SND1: variants seen among roughly 807,000 people sequenced by gnomAD.
The protein encoded by SND1 is staphylococcal nuclease domain-containing protein 1.
In SND1, 38 loss-of-function variants were observed where a neutral mutation model predicts 121.7. The observed-to-expected ratio is 0.31, with a 90% CI of 0.24 to 0.41. SND1 has a LOEUF of 0.41. Ranked by LOEUF, SND1 falls within the 10% of genes least tolerant of loss-of-function variation. The pLI is 1.00. For missense variants in SND1, 868 were observed against 1,184.6 expected, an observed-to-expected ratio of 0.73 and a Z score of 3.92; for synonymous variants, 401 against 447.4, an observed-to-expected ratio of 0.90 and a Z score of 1.31.
chr7:127,905,843 C>T (rs551840194), intron 14 of SND1, among the ~76,000 whole-genome samples: 2 of 152,304 alleles, frequency 1.3e-5, no homozygotes, highest in South Asian at 2.1e-4. Context: ...TTAGCTTAGG[C>T]ACTCAGGGAA....
rs1419363200 is a variant in SND1, at chr7:127,921,650, T to A, written c.1528-7538T>A. Reference sequence around the variant, plus strand: ...TCTGTGAGTTTTGGCAAATGTGCATTTTGAGAAACGTATATTTATGAAATC... The same window carrying A: ...TCTGTGAGTTTTGGCAAATGTGCATATTGAGAAACGTATATTTATGAAATC... On this transcript the variant is annotated intron_variant, in intron 14 of 23. Coordinates refer to ENST00000354725, the MANE Select transcript of SND1 (RefSeq NM_014390.4). Among the ~76,000 whole-genome samples the A allele has an allele frequency of 2.0e-5, 3 of 152,346 alleles. No individual in the cohort carries two copies. In the East Asian group the frequency reaches 5.8e-4, roughly 29 times the overall value.
chr7:127,685,248 C>T (rs890347822), intron 1 of SND1, among the ~76,000 whole-genome samples: 2 of 152,148 alleles, frequency 1.3e-5, no homozygotes, highest in East Asian at 3.9e-4. Flanking sequence ...GAGAGCAATG[C>T]ACTCTAAGTG....
At chr7:127,874,438 A>C (rs1450383732) in intron 12 of SND1, among the ~76,000 whole-genome samples, 1 of 152,160 alleles carries the variant, frequency 6.6e-6, no homozygotes, top group Non-Finnish European at 1.5e-5. Context: ...TACTGACTTG[A>C]GTCCAGAGTC....
intron 12 of SND1, among the ~76,000 whole-genome samples, chr7:127,867,119 A>G (rs1460685000): frequency 6.6e-6 from 1 of 152,198 alleles, no homozygotes; most frequent in African/African-American, 2.4e-5. Flanking sequence ...AGAATAATTA[A>G]AAGACATTTT....
At chr7:128,051,270 G>A (rs1562883002) in intron 16 of SND1, among the ~76,000 whole-genome samples, 1 of 152,188 alleles carries the variant, frequency 6.6e-6, no homozygotes, top group Admixed American at 6.5e-5. Flanking sequence ...AGACATTTGA[G>A]ATGAACAAGA....
chr7:127,996,738 T>G (rs1802668827), intron 16 of SND1, among the ~76,000 whole-genome samples: 1 of 152,214 alleles, frequency 6.6e-6, no homozygotes, highest in Non-Finnish European at 1.5e-5. Context: ...ATGTTTCATT[T>G]ATTTTCACAA....
intron 1 of SND1, among the ~76,000 whole-genome samples, chr7:127,678,659 A>G (rs1795656459): frequency 6.6e-6 from 1 of 152,248 alleles, no homozygotes. Flanking sequence ...CTCCCAGACC[A>G]CACAGCTTAT....
intron 18 of SND1, 93 bp from the exon 19 acceptor site, chr7:128,084,631 T>C (rs1793658355): frequency 3.6e-6 from 5 of 1,391,526 alleles, no homozygotes; most frequent in Admixed American, 2.5e-5. Context: ...GAATTTTACA[T>C]TGAGCTCCCT....
intron 10 of SND1, among the ~76,000 whole-genome samples, chr7:127,731,987 G>GTC (rs1440635097): frequency 6.6e-6 from 1 of 152,184 alleles, no homozygotes; most frequent in South Asian, 2.1e-4. Context: ...GGTGTTGAAT[G>GTC]TCTCTCTCTT....
intron 9 of SND1, among the ~76,000 whole-genome samples, chr7:127,719,186 T>C (rs1339388517): frequency 6.6e-6 from 1 of 152,204 alleles, no homozygotes; most frequent in African/African-American, 2.4e-5. Flanking sequence ...CATCCAAATG[T>C]GGGATTTTGA....
intron 10 of SND1, among the ~76,000 whole-genome samples, chr7:127,767,717 A>G (rs1797446492): frequency 6.6e-6 from 1 of 152,246 alleles, no homozygotes; most frequent in Admixed American, 6.5e-5. Context: ...TAGCAGTGTC[A>G]TATAAGGTTG....
At chr7:127,762,006 A>T (rs1394419806) in intron 10 of SND1, among the ~76,000 whole-genome samples, 4 of 152,174 alleles carry the variant, frequency 2.6e-5, no homozygotes, top group African/African-American at 9.7e-5. Flanking sequence ...CTCATTTATA[A>T]TTATTCTAGT....
chr7:127,743,425 C>A (rs1796918712), intron 10 of SND1, among the ~76,000 whole-genome samples: 1 of 152,210 alleles, frequency 6.6e-6, no homozygotes, highest in Non-Finnish European at 1.5e-5. Flanking sequence ...ACTGTCACTG[C>A]TCTGATGTCA....
At chr7:127,880,888 G>T (rs1799777571) in intron 12 of SND1, among the ~76,000 whole-genome samples, 1 of 152,096 alleles carries the variant, frequency 6.6e-6, no homozygotes, top group South Asian at 2.1e-4. Context: ...CGCAGGGAGG[G>T]ACTCTTTCTG....
chr7:127,929,234 G>T lies in SND1; in HGVS notation c.1574G>T (p.Gly525Val). The T allele has an allele frequency of 6.2e-7, 1 of 1,614,098 alleles. No individual in the cohort carries two copies. ...TTCCTGCCTTTTCTTCAGCGGGCAG[G>T]TCGTTCTGAAGCTGTGGTGGAATAC... ...KQFLPFLQRA[G>V]RSEAVVEYVF... is the part of the protein sequence containing the mutation. The change falls in exon 15 of 24, where the codon GGT becomes GTT. Residue 525 changes from glycine (G) to valine (V), a missense_variant. Coordinates refer to ENST00000354725, the MANE Select transcript of SND1 (RefSeq NM_014390.4).
chr7:127,730,200 C>T (rs534413593), intron 10 of SND1, among the ~76,000 whole-genome samples: 6 of 152,330 alleles, frequency 3.9e-5, no homozygotes, highest in South Asian at 4.1e-4. Context: ...ACTCCGACCT[C>T]AGGTGATCCA....
chr7:128,049,963 CAGAG>C (rs1249385101), intron 16 of SND1, among the ~76,000 whole-genome samples: 6 of 152,142 alleles, frequency 3.9e-5, no homozygotes, highest in Non-Finnish European at 8.8e-5. Context: ...AAAGGGTTCT[CAGAG>C]AGCACTGCAT....
intron 18 of SND1, among the ~76,000 whole-genome samples, chr7:128,082,474 G>A (rs995386561): frequency 6.6e-6 from 1 of 152,228 alleles, no homozygotes; most frequent in Non-Finnish European, 1.5e-5. Flanking sequence ...CTTTGTGGCA[G>A]TGTCATTTCA....
chr7:128,028,460 A>C (rs1584746786), intron 16 of SND1: 48 of 423,604 alleles, frequency 1.1e-4, no homozygotes, highest in East Asian at 8.5e-5. Context: ...CAACGTTCCC[A>C]AGATTCCCCC....
Sources: allele counts gnomAD v4.1 joint callset (sites outside exome capture counted in the v4.1 genomes callset), GRCh38; gene constraint gnomAD v4.1.1; transcripts MANE v1.5; gene names NCBI Gene and HGNC (gene_info 2026-07-23, HGNC 2026-07-21).